The following USP33 variants were observed in gnomAD, a reference collection of about 807,000 sequenced individuals.
USP33 encodes ubiquitin carboxyl-terminal hydrolase 33.
Under a neutral mutation model 124.2 loss-of-function variants are expected in USP33, and 46 were observed. The ratio of observed to expected loss-of-function variants is 0.37; its 90% CI spans 0.29 to 0.47. The LOEUF is 0.47. Among genes scored for constraint, USP33 ranks in the 20% least tolerant of loss-of-function variants. USP33 has a pLI of 0.99. For missense variants in USP33, 851 were observed against 1,070.6 expected (o/e 0.79, Z 2.86); for synonymous variants, 350 against 352.3 (o/e 0.99, Z 0.07).
Position 77,725,749 on chromosome 1 carries a change from A to G in USP33, c.1149T>C (p.Asp383=). 3 of 1,612,734 alleles carry G rather than the reference A, an allele frequency of 1.9e-6. No homozygotes were observed. Among genetic ancestry groups the G allele is most frequent in the Non-Finnish European group, 2.5e-6 (3 of 1,179,514 alleles). Residue 383 remains aspartate, a synonymous_variant, in exon 11 of 24, where the codon GAT becomes GAC. Transcript: ENST00000370794. ...GTGTAGACAGGTCATTCGAATGGACATCAGTGATATATTCTGTAAGATTTA... is the reference window on the plus strand; with the variant it reads ...GTGTAGACAGGTCATTCGAATGGACGTCAGTGATATATTCTGTAAGATTTA... ...IHSRASEYIT[D]VHSNDLSTPQ...
intron 10 of USP33, 55 bp from the exon 11 acceptor site, chr1:77,725,817 T>C (rs1677098608): frequency 2.1e-6 from 3 of 1,450,950 alleles, no homozygotes; most frequent in Non-Finnish European, 2.8e-6. Flanking sequence ...ATTCTAACTG[T>C]CCAATAATGT....
intron 21 of USP33, among the ~76,000 whole-genome samples, chr1:77,706,381 G>C (rs969958495): frequency 1.3e-5 from 2 of 152,046 alleles, no homozygotes; most frequent in Non-Finnish European, 2.9e-5. Context: ...CTTCCAATTG[G>C]AGTATTTGTT....
intron 7 of USP33, among the ~76,000 whole-genome samples, chr1:77,731,808 C>G (rs961183526): frequency 5.3e-5 from 8 of 152,120 alleles, no homozygotes; most frequent in African/African-American, 1.7e-4. Flanking sequence ...ATCTCAGACT[C>G]AGAATTTTGT....
chr1:77,736,349 T>C (rs918171300), intron 5 of USP33, among the ~76,000 whole-genome samples, 191 bp from the exon 6 acceptor site: 2 of 152,188 alleles, frequency 1.3e-5, no homozygotes, highest in African/African-American at 2.4e-5. Context: ...CCTAGGGTAA[T>C]AGCATGTCAG....
chr1:77,734,504 A>T, intron 6 of USP33, 88 bp from the exon 7 acceptor site: 1 of 768,544 alleles, frequency 1.3e-6, no homozygotes, highest in East Asian at 2.7e-5. Flanking sequence ...CCCAAATTAC[A>T]TTAAGGACCA....
chr1:77,713,817 A>G (rs989650855), intron 19 of USP33, among the ~76,000 whole-genome samples: 1 of 152,072 alleles, frequency 6.6e-6, no homozygotes, highest in Non-Finnish European at 1.5e-5. Context: ...CTCCTGAGAC[A>G]ATGAGATTAC....
intron 1 of USP33, among the ~76,000 whole-genome samples, chr1:77,744,314 G>A (rs893834582): frequency 2.0e-5 from 3 of 152,016 alleles, no homozygotes; most frequent in Non-Finnish European, 4.4e-5. Context: ...GACCCACAGT[G>A]AAGAGAAAAA....
At chr1:77,758,967 T>A (rs1333864620) in intron 1 of USP33, among the ~76,000 whole-genome samples, 1 of 152,140 alleles carries the variant, frequency 6.6e-6, no homozygotes, top group Admixed American at 6.5e-5. Flanking sequence ...GAAAATCTCA[T>A]CGTCCAAGAG....
chr1:77,702,397 T>C (rs1267854768), intron 21 of USP33, among the ~76,000 whole-genome samples: 1 of 152,164 alleles, frequency 6.6e-6, no homozygotes, highest in Non-Finnish European at 1.5e-5. Flanking sequence ...ACATACTATA[T>C]CCACAGTCTA....
At chr1:77,714,522 A>G in intron 19 of USP33, 92 bp downstream of exon 19, 1 of 1,313,140 alleles carries the variant, frequency 7.6e-7, no homozygotes. Context: ...GAAATGGGAA[A>G]TAAGTGGGAG....
chr1:77,722,369 A>G lies in USP33; in HGVS notation c.1390-173T>C, dbSNP rs1426791254. Reference sequence around the variant, plus strand: ...CATAGTCATAATAGCAAAAAAAAAAACAAAAACAAAAAACAAAACACACTT... The same window carrying G: ...CATAGTCATAATAGCAAAAAAAAAAGCAAAAACAAAAAACAAAACACACTT... On this transcript the variant is annotated intron_variant, in intron 12 of 23. Transcript: ENST00000370794. 6.5e-6 allele frequency: 4 copies of G among 615,062 alleles called. No individual in the cohort carries two copies. In the Admixed American group the frequency reaches 1.0e-4, roughly 16 times the overall value. The allele number at this position is 615,062 out of a possible 1,614,324, so 38.1% of individuals were successfully genotyped here. A position where few individuals can be genotyped will look rare whatever the true frequency, so the allele number is the denominator to read the frequency against.
chr1:77,714,954 T>A, intron 18 of USP33, 171 bp from the exon 19 acceptor site: 1 of 635,092 alleles, frequency 1.6e-6, no homozygotes, highest in South Asian at 2.2e-5. Flanking sequence ...TATATACTCA[T>A]AGGGATGAAA....
At chr1:77,702,574 AG>A (rs1468839007) in intron 21 of USP33, among the ~76,000 whole-genome samples, 1 of 152,104 alleles carries the variant, frequency 6.6e-6, no homozygotes, top group Non-Finnish European at 1.5e-5. Context: ...TCCAGCCCTC[AG>A]GCCTAAGGAA....
At chr1:77,753,991 A>G (rs975487359) in intron 1 of USP33, among the ~76,000 whole-genome samples, 4 of 152,182 alleles carry the variant, frequency 2.6e-5, no homozygotes, top group African/African-American at 9.6e-5. Flanking sequence ...GTTCCAATTG[A>G]ACATGATGAC....
At position 77,720,165 on chromosome 1, in the gene USP33, G is replaced by GAAAAA. The variant is rs745681259; in HGVS notation, c.1691+1002_1691+1006dup. 1.5e-3 allele frequency among the ~76,000 whole-genome samples: 63 copies of GAAAAA among 42,748 alleles called. 7 individuals carry two copies. Among genetic ancestry groups the GAAAAA allele is most frequent in the Non-Finnish European group, 2.3e-3 (53 of 22,874 alleles). The allele number at this position is 42,748 out of a possible 152,430, so 28.0% of individuals were successfully genotyped here. A position where few individuals can be genotyped will look rare whatever the true frequency, so the allele number is the denominator to read the frequency against. On this transcript the variant is annotated intron_variant, in intron 15 of 23. Transcript: ENST00000370794. The stretch of plus-strand genomic sequence containing the variant: ...GACAGAATGAGACTATGTCTCAAAT[G>GAAAAA]AAAAAAAAAAAAAAAAAAAAAAAAA...
chr1:77,752,189 T>A (rs1375133996), intron 1 of USP33, among the ~76,000 whole-genome samples: 4 of 151,600 alleles, frequency 2.6e-5, no homozygotes, highest in Non-Finnish European at 5.9e-5. Context: ...CAGGCTGGAG[T>A]GCAGTGGCGC....
Position 77,705,127 on chromosome 1 carries a change from AG to A in USP33, c.2407-3657del, listed in dbSNP as rs11418255. On this transcript the variant is annotated intron_variant, in intron 21 of 23. Coordinates refer to ENST00000370794, the MANE Select transcript of USP33 (RefSeq NM_201624.3). The stretch of plus-strand genomic sequence containing the variant: ...CACAAATGCTTTGTTTAAAAAAAAA[AG>A]GGGGGGGGCTGAATAAAACAAAAAA... 7.1e-3 allele frequency among the ~76,000 whole-genome samples: 996 copies of A among 139,720 alleles called. 9 individuals are homozygous for A. The highest frequency in any genetic ancestry group is 8.3e-3 in the Non-Finnish European group (545 of 65,866). The allele number at this position is 139,720 out of a possible 152,430, so 91.7% of individuals were successfully genotyped here.
At chr1:77,698,409 C>T (rs1283822953) in intron 22 of USP33, among the ~76,000 whole-genome samples, 1 of 151,048 alleles carries the variant, frequency 6.6e-6, no homozygotes, top group Non-Finnish European at 1.5e-5. Flanking sequence ...TGAGCTTCTT[C>T]GTTTTTAGTT....
intron 3 of USP33, among the ~76,000 whole-genome samples, 176 bp downstream of exon 3, chr1:77,741,200 A>G (rs1490980814): frequency 6.6e-6 from 1 of 152,170 alleles, no homozygotes; most frequent in African/African-American, 2.4e-5. Flanking sequence ...AAACTACAAA[A>G]GCACTACAGA....
Sources: gnomAD v4.1 joint callset for allele counts (sites outside exome capture counted in the v4.1 genomes callset) on GRCh38, gnomAD v4.1.1 for gene constraint, MANE v1.5 for transcripts, NCBI Gene and HGNC (gene_info 2026-07-23, HGNC 2026-07-21) for gene names.